Variants in IFT140 observed in about 807,000 individuals in gnomAD.
The protein encoded by IFT140 is intraflagellar transport 140, also known as intraflagellar transport protein 140 homolog.
A neutral mutation model predicts 164.6 loss-of-function variants in IFT140; 133 were observed. The ratio of observed to expected loss-of-function variants is 0.81; its 90% CI spans 0.70 to 0.93. IFT140 has a LOEUF of 0.93. Among genes scored for constraint, IFT140 ranks in the 40% least tolerant of loss-of-function variants. The pLI is 0.00. For synonymous variants in IFT140, 860 were observed against 817.3 expected, an observed-to-expected ratio of 1.05 and a Z score of -0.89; for missense variants, 2,045 against 1,972.3, an observed-to-expected ratio of 1.04 and a Z score of -0.70.
intron 19 of IFT140, among the ~76,000 whole-genome samples, chr16:1,529,684 C>T (rs551284347): frequency 6.6e-6 from 1 of 152,342 alleles, no homozygotes; most frequent in East Asian, 1.9e-4. Flanking sequence ...TTTCTAACAG[C>T]AGAAAACCAA....
Position 1,607,316 on chromosome 16 carries a change from G to T in IFT140, c.-31-19C>A, listed in dbSNP as rs762541440. 2 of 1,560,704 alleles carry T rather than the reference G, an allele frequency of 1.3e-6. No individual in the cohort carries two copies. The highest frequency in any genetic ancestry group is 1.7e-6 in the Non-Finnish European group (2 of 1,149,678). On this transcript the variant is annotated intron_variant, in intron 2 of 30. Transcript: ENST00000426508. ...CTGAAACCTGCAGGGAAAAAAAAAT[G>T]ACCAAGTCCAATCAGTTTTAAATAA...
At position 1,602,552 on chromosome 16, in the gene IFT140, G is replaced by T. The variant is rs377484899; in HGVS notation, c.187C>A (p.Arg63=). 1 of 1,613,766 alleles carries T rather than the reference G, an allele frequency of 6.2e-7. No homozygotes were observed. ...VPDTHVERPF[R]VASLCWHPTR... ...GGGTGCCAGCACAGGGAAGCAACCCGGAACGGCCTCTCGACGTGTGTATCT... is the reference window on the plus strand; with the variant it reads ...GGGTGCCAGCACAGGGAAGCAACCCTGAACGGCCTCTCGACGTGTGTATCT... Residue 63 remains arginine (R), a synonymous_variant, in exon 4 of 31, where the codon CGG becomes AGG. Transcript: ENST00000426508.
At chr16:1,544,373 G>C (rs550517172) in intron 19 of IFT140, among the ~76,000 whole-genome samples, 3 of 151,946 alleles carry the variant, frequency 2.0e-5, no homozygotes, top group Non-Finnish European at 4.4e-5. Flanking sequence ...TTTTAGTAGA[G>C]ATGGGGTTTC....
At chr16:1,549,384 G>A (rs992293336) in intron 19 of IFT140, among the ~76,000 whole-genome samples, 4 of 152,222 alleles carry the variant, frequency 2.6e-5, no homozygotes, top group Non-Finnish European at 5.9e-5. Flanking sequence ...AGTGAAGCGC[G>A]GCTCCCAGAA....
chr16:1,523,682 C>T lies in IFT140; in HGVS notation c.3289G>A (p.Ala1097Thr), dbSNP rs1457228761. 6.2e-7 allele frequency: 1 copy of T among 1,613,690 alleles called. No homozygotes were observed. The highest frequency in any genetic ancestry group is 1.3e-5 in the African/African-American group (1 of 75,062). ...TGGGTGGCAAAGGCCAGCTCCAGGG[C>T]CTTGGAGAAGTGGCCAGCCTGCGGA... ...LYHKAGHFSK[A>T]LELAFATQQF... is the part of the protein sequence containing the mutation. Residue 1097 changes from alanine to threonine, a missense_variant, in exon 26 of 31, where the codon GCC (alanine) becomes ACC (threonine). Physicochemically the swap from Ala to Thr is moderately conservative, Grantham distance 58. Transcript: ENST00000426508.
chr16:1,586,403 T>A (rs2034882013), intron 9 of IFT140, 128 bp from the exon 10 acceptor site: 1 of 857,090 alleles, frequency 1.2e-6, no homozygotes, highest in Non-Finnish European at 1.7e-6. Context: ...CTCCACCTCA[T>A]CCCTGGCTGC....
chr16:1,519,860 C>A, intron 29 of IFT140, 21 bp downstream of exon 29: 1 of 1,518,646 alleles, frequency 6.6e-7, no homozygotes, highest in Non-Finnish European at 8.8e-7. Flanking sequence ...TGGCCTGTCC[C>A]CGCTGGCCCC....
intron 19 of IFT140, among the ~76,000 whole-genome samples, chr16:1,546,789 C>T (rs893356997): frequency 1.1e-4 from 17 of 152,230 alleles, no homozygotes; most frequent in East Asian, 1.9e-4. Flanking sequence ...GAACACTTTT[C>T]GGTGGTTTGA....
intron 19 of IFT140, among the ~76,000 whole-genome samples, chr16:1,556,788 G>A (rs1382867241): frequency 6.6e-6 from 1 of 152,178 alleles, no homozygotes; most frequent in Non-Finnish European, 1.5e-5. Context: ...AACCAGAGCA[G>A]GCTGAAAATA....
chr16:1,587,096 A>G (rs1165988393), intron 9 of IFT140, 102 bp downstream of exon 9: 2 of 772,610 alleles, frequency 2.6e-6, no homozygotes, highest in South Asian at 1.5e-5. Flanking sequence ...CCAAGTTACC[A>G]TTGTGTGAGT....
At chr16:1,511,471 C>T (rs1046884977) in intron 30 of IFT140, among the ~76,000 whole-genome samples, 2 of 152,232 alleles carry the variant, frequency 1.3e-5, no homozygotes, top group Non-Finnish European at 2.9e-5. Flanking sequence ...CGTGTGCGGG[C>T]AGAGCCTCCT....
At chr16:1,530,363 C>T (rs2030335613) in intron 19 of IFT140, among the ~76,000 whole-genome samples, 1 of 151,978 alleles carries the variant, frequency 6.6e-6, no homozygotes, top group Admixed American at 6.5e-5. Flanking sequence ...GATCTCTTGA[C>T]CTTGTGATCT....
At chr16:1,552,607 G>A (rs112120915) in intron 19 of IFT140, among the ~76,000 whole-genome samples, 3,148 of 151,142 alleles carry the variant, frequency 0.021, 106 homozygotes, top group African/African-American at 0.072. Flanking sequence ...TGGTAGAAAT[G>A]CCAGAAGTTT....
At chr16:1,512,715 G>A (rs545151532) in intron 30 of IFT140, among the ~76,000 whole-genome samples, 8 of 152,318 alleles carry the variant, frequency 5.3e-5, no homozygotes, top group East Asian at 1.9e-4. Context: ...CCTTGAACCC[G>A]GGAGGCTGAG....
In IFT140 at chr16:1,561,020, C is replaced by T. The variant is rs552573133; in HGVS notation, c.2199+965G>A. ...TGGAAGCTGGTGGCCCCCTGCCTCC[C>T]GCCTGCAGAACCCCTGTGGGGCTCA... On this transcript the variant is annotated intron_variant, in intron 18 of 30. Coordinates refer to ENST00000426508, the MANE Select transcript of IFT140 (RefSeq NM_014714.4). 7.2e-4 allele frequency among the ~76,000 whole-genome samples: 109 copies of T among 152,340 alleles called. 1 individual carries two copies. Among genetic ancestry groups the T allele is most frequent in the African/African-American group, 2.5e-3 (103 of 41,574 alleles).
intron 3 of IFT140, among the ~76,000 whole-genome samples, chr16:1,605,267 T>C (rs2036000003): frequency 1.3e-5 from 2 of 151,982 alleles, no homozygotes; most frequent in South Asian, 4.2e-4. Flanking sequence ...AGGAGTGTGG[T>C]ACAGACAAGG....
chr16:1,549,335 T>G (rs779477062), intron 19 of IFT140, among the ~76,000 whole-genome samples: 5 of 152,258 alleles, frequency 3.3e-5, no homozygotes, highest in Admixed American at 6.5e-5. Context: ...GCAACAAAAA[T>G]GCCAAGTAAG....
At chr16:1,568,608 G>A (rs1213063192) in intron 14 of IFT140, among the ~76,000 whole-genome samples, 6 of 152,242 alleles carry the variant, frequency 3.9e-5, no homozygotes, top group South Asian at 2.1e-4. Context: ...TAGGCCAGGC[G>A]TGGTGGCTCA....
intron 30 of IFT140, among the ~76,000 whole-genome samples, chr16:1,513,742 C>T (rs1343340840): frequency 2.7e-5 from 4 of 150,292 alleles, no homozygotes; most frequent in East Asian, 2.1e-4. Context: ...GGTGCGATCT[C>T]TGCTCACTGC....
Sources: gnomAD v4.1 joint callset for allele counts (sites outside exome capture counted in the v4.1 genomes callset) on GRCh38, gnomAD v4.1.1 for gene constraint, MANE v1.5 for transcripts, NCBI Gene and HGNC (gene_info 2026-07-23, HGNC 2026-07-21) for gene names.